Variants in E4F1 observed in about 807,000 individuals in gnomAD.
E4F1 encodes the protein E4F transcription factor 1.
Under a neutral mutation model 72.9 loss-of-function variants are expected in E4F1, and 30 were observed. The observed-to-expected ratio is 0.41, with a 90% CI of 0.31 to 0.56. The LOEUF is 0.56. Among genes scored for constraint, E4F1 ranks in the 20% least tolerant of loss-of-function variants. The probability of loss-of-function intolerance (pLI) is 0.25; values close to 1 mark genes in which losing one functional copy is unlikely to be tolerated. For missense variants in E4F1, 1,091 were observed against 1,117.5 expected, an observed-to-expected ratio of 0.98 and a Z score of 0.34; for synonymous variants, 542 against 478.2, an observed-to-expected ratio of 1.13 and a Z score of -1.74.
rs748490046 is a variant in E4F1 at position 2,235,098 on chromosome 16, G to A, written c.1953G>A (p.Ala651=). The change falls in exon 13 of 14, where the codon GCG becomes GCA. Residue 651 remains alanine (A), a synonymous_variant. Transcript: ENST00000301727. ...EYIIEATADD[A]ETSEATEIIE... is the part of the protein sequence containing the mutation. ...CTGCCCAGGCCACTGCGGACGATGC[G>A]GAGACCAGTGAGGCCACGGAGATCA... The A allele has an allele frequency of 3.1e-5, 50 of 1,612,432 alleles. No individual in the cohort carries two copies. Among genetic ancestry groups the A allele is most frequent in the Admixed American group, 8.3e-5 (5 of 60,006 alleles).
At chr16:2,233,297 TC>T in intron 7 of E4F1, 114 bp downstream of exon 7, 1 of 1,469,230 alleles carries the variant, frequency 6.8e-7, no homozygotes, top group Non-Finnish European at 9.0e-7. Flanking sequence ...GGGCTGGGCT[TC>T]CCACAGGGAG....
chr16:2,234,127 G>C, intron 9 of E4F1, 44 bp from the exon 10 acceptor site: 1 of 1,598,302 alleles, frequency 6.3e-7, no homozygotes, highest in Non-Finnish European at 8.5e-7. Flanking sequence ...GGCCTGGCGG[G>C]CCCGCGGGTG....
In E4F1 at chr16:2,223,716, G is replaced by C; in HGVS notation, c.103G>C (p.Ala35Pro). ...AGEGAVAAVA[A>P]ALAPSGFLGL... ...CGAGGGTGCAGTTGCGGCGGTGGCG[G>C]CGGCCTTGGCCCCCAGCGGCTTCCT... The change falls in exon 1 of 14, where the codon GCG (alanine) becomes CCG (proline). Residue 35 changes from alanine (A) to proline (P), a missense_variant. Ala to Pro is a conservative substitution (Grantham distance 27). Transcript: ENST00000301727. 4.5e-6 allele frequency: 7 copies of C among 1,556,204 alleles called. No individual in the cohort carries two copies. Among genetic ancestry groups the C allele is most frequent in the Non-Finnish European group, 6.0e-6 (7 of 1,162,040 alleles).
chr16:2,231,122 C>T (rs2093465130), intron 3 of E4F1: 1 of 152,420 alleles, frequency 6.6e-6, no homozygotes, highest in African/African-American at 2.4e-5. Context: ...GCTGCTAGCT[C>T]TCCTGTTGGC....
chr16:2,223,603 C>T lies in E4F1; in HGVS notation c.-11C>T, dbSNP rs1172050901. Reference sequence around the variant, plus strand: ...TCGTAAATCCGCCATCTTCCTGCGGCGCGTTGCGACATGGAGGGCGCGATG... The same window carrying T: ...TCGTAAATCCGCCATCTTCCTGCGGTGCGTTGCGACATGGAGGGCGCGATG... On this transcript the variant is annotated 5_prime_UTR_variant, in exon 1 of 14. Transcript: ENST00000301727. 1 of 1,584,328 alleles carries T rather than the reference C, an allele frequency of 6.3e-7. No individual in the cohort carries two copies. Among genetic ancestry groups the T allele is most frequent in the Non-Finnish European group, 8.5e-7 (1 of 1,171,672 alleles).
rs1204489806 is a variant in E4F1, at chr16:2,235,685, G to C, written c.*113G>C. 2.4e-6 allele frequency: 2 copies of C among 839,184 alleles called. No homozygotes were observed. Among genetic ancestry groups the C allele is most frequent in the African/African-American group, 3.4e-5 (2 of 58,236 alleles). The allele number at this position is 839,184 out of a possible 1,614,324, so 52.0% of individuals were successfully genotyped here. A position where few individuals can be genotyped will look rare whatever the true frequency, so the allele number is the denominator to read the frequency against. ...ATGGCACAGGATGGAGGCGCCCCAAGACGGACAGTGTACATAAGAGTTTCT... is the reference window on the plus strand; with the variant it reads ...ATGGCACAGGATGGAGGCGCCCCAACACGGACAGTGTACATAAGAGTTTCT... On this transcript the variant is annotated 3_prime_UTR_variant, in exon 14 of 14. Transcript: ENST00000301727.
chr16:2,232,457 G>A lies in E4F1; in HGVS notation c.611G>A (p.Gly204Asp). Residue 204 changes from glycine to aspartate, a missense_variant and splice_region_variant, in exon 5 of 14, where the codon GGC becomes GAC. By Grantham distance (94) the Gly-to-Asp change is moderately conservative. Coordinates refer to ENST00000301727, the MANE Select transcript of E4F1 (RefSeq NM_004424.5). ...CALCHKTFKTGSILKAHMVTH... is the reference protein window; with the variant it reads ...CALCHKTFKTDSILKAHMVTH... ...GAGCTGCCACGCCCTCCCCCACAGG[G>A]CAGCATCCTCAAGGCCCACATGGTC... The A allele has an allele frequency of 6.2e-7, 1 of 1,610,536 alleles. No homozygotes were observed. Among genetic ancestry groups the A allele is most frequent in the Non-Finnish European group, 8.5e-7 (1 of 1,179,036 alleles).
intron 1 of E4F1, among the ~76,000 whole-genome samples, chr16:2,226,803 G>A (rs1405042034): frequency 6.6e-6 from 1 of 152,232 alleles, no homozygotes; most frequent in Non-Finnish European, 1.5e-5. Flanking sequence ...ACAGTGAGGG[G>A]GTGGTCTCTT....
chr16:2,227,826 C>CTTTT (rs34008168), intron 1 of E4F1, among the ~76,000 whole-genome samples: 1 of 132,948 alleles, frequency 7.5e-6, no homozygotes, highest in Non-Finnish European at 1.6e-5. Context: ...GTTTTAAAAA[C>CTTTT]TTTTTTTTTT....
At chr16:2,227,959 C>T (rs531141181) in intron 1 of E4F1, among the ~76,000 whole-genome samples, 16 of 152,116 alleles carry the variant, frequency 1.1e-4, no homozygotes, top group African/African-American at 2.4e-4. Context: ...CCACCATGCC[C>T]GGCCCCAGCA....
At chr16:2,228,892 G>A (rs2093448737) in intron 2 of E4F1, among the ~76,000 whole-genome samples, 2 of 152,236 alleles carry the variant, frequency 1.3e-5, no homozygotes, top group African/African-American at 4.8e-5. Context: ...CACACGTGAA[G>A]TGTGGCCCTG....
At position 2,233,892 on chromosome 16, in the gene E4F1, G is replaced by C. The variant is rs1032338988; in HGVS notation, c.1277G>C (p.Ser426Thr). The C allele has an allele frequency of 1.3e-6, 2 of 1,595,160 alleles. No homozygotes were observed. Among genetic ancestry groups the C allele is most frequent in the East Asian group, 4.5e-5 (2 of 44,010 alleles). The change falls in exon 9 of 14, where the codon AGC becomes ACC. Residue 426 changes from serine to threonine, a missense_variant. This residue lies in a region of E4F1 where 622 missense variants were observed against 628.0 expected (regional missense o/e 0.99). Transcript: ENST00000301727. ...CCTGTGGTTCCCCAGCAGGTGGCCAGCGAGGCCTCAGCGGTGCCCAGGACC... is the reference window on the plus strand; with the variant it reads ...CCTGTGGTTCCCCAGCAGGTGGCCACCGAGGCCTCAGCGGTGCCCAGGACC... ...EVQPLETQVA[S>T]EASAVPRTHP... is the part of the protein sequence containing the mutation.
At chr16:2,226,996 A>C (rs572346538) in intron 1 of E4F1, among the ~76,000 whole-genome samples, 3 of 152,322 alleles carry the variant, frequency 2.0e-5, no homozygotes, top group African/African-American at 7.2e-5. Context: ...GGCCACTCAC[A>C]TGCTCCAGGG....
intron 1 of E4F1, 173 bp from the exon 2 acceptor site, chr16:2,228,199 C>A: frequency 1.2e-6 from 1 of 847,088 alleles, no homozygotes; most frequent in Non-Finnish European, 1.9e-6. Context: ...GGGGCTGTAC[C>A]TTGGGATGAC....
chr16:2,234,245 G>A lies in E4F1; in HGVS notation c.1450G>A (p.Val484Met), dbSNP rs2093488001. 1.9e-6 allele frequency: 3 copies of A among 1,612,874 alleles called. No homozygotes were observed. The highest frequency in any genetic ancestry group is 1.1e-5 in the South Asian group (1 of 91,092). ...KAYLLKKHQE[V>M]HVRERRFRCG... ...CTACCTGCTCAAGAAGCACCAGGAG[G>A]TGCACGTGCGTGAGCGCCGCTTCCG... The change falls in exon 10 of 14, where the codon GTG becomes ATG. Residue 484 changes from valine to methionine, a missense_variant. Physicochemically the swap from Val to Met is conservative, Grantham distance 21. This residue lies in a region of E4F1 where 622 missense variants were observed against 628.0 expected (regional missense o/e 0.99). Transcript: ENST00000301727.
At position 2,235,655 on chromosome 16, in the gene E4F1, A is replaced by G; in HGVS notation, c.*83A>G. On this transcript the variant is annotated 3_prime_UTR_variant, in exon 14 of 14. Transcript: ENST00000301727. ...CACCCATGCCTGCCTGGCCTGGTAG[A>G]GAAGATGGCACAGGATGGAGGCGCC... The G allele has an allele frequency of 8.0e-7, 1 of 1,249,550 alleles. No homozygotes were observed. The highest frequency in any genetic ancestry group is 1.1e-6 in the Non-Finnish European group (1 of 916,036). 77.4% of individuals were successfully genotyped at this position (1,249,550 alleles called of 1,614,324 possible).
chr16:2,233,575 C>T lies in E4F1; in HGVS notation c.1194C>T (p.Ala398=), dbSNP rs755989987. The T allele has an allele frequency of 2.0e-4, 294 of 1,502,176 alleles. 1 individual carries two copies. Among genetic ancestry groups the T allele is most frequent in the Middle Eastern group, 1.9e-4 (1 of 5,242 alleles). 93.1% of individuals were successfully genotyped at this position (1,502,176 alleles called of 1,614,324 possible). A position where few individuals can be genotyped will look rare whatever the true frequency, so the allele number is the denominator to read the frequency against. Reference sequence around the variant, plus strand: ...GTGCCCTGGAGCCAGCTCCTGCTGCCGGGTCCAGTCCCCAGCCCCTGGCAG... The same window carrying T: ...GTGCCCTGGAGCCAGCTCCTGCTGCTGGGTCCAGTCCCCAGCCCCTGGCAG... ...EEGALEPAPA[A]GSSPQPLAVA... The change falls in exon 8 of 14, where the codon GCC becomes GCT. Residue 398 remains alanine (A), a synonymous_variant. Transcript: ENST00000301727.
chr16:2,229,707 T>C (rs750664055), intron 3 of E4F1, 32 bp downstream of exon 3: 7 of 1,607,338 alleles, frequency 4.4e-6, no homozygotes, highest in African/African-American at 2.7e-5. Flanking sequence ...GCTGGCCTGA[T>C]AGACCTTCGT....
rs147602177 is a variant in E4F1 at position 2,234,729 on chromosome 16, C to T, written c.1740C>T (p.Cys580=). The change falls in exon 11 of 14, where the codon TGC becomes TGT. Residue 580 remains cysteine (C), a synonymous_variant. Coordinates refer to ENST00000301727, the MANE Select transcript of E4F1 (RefSeq NM_004424.5). ...AGAAGCCGTTCAAGTGCTACAAGTG[C>T]GGCCGTGGCTTCGCCGAGCACGGCA... ...TGEKPFKCYK[C]GRGFAEHGTL... is the part of the protein sequence containing the mutation. 8.4e-6 allele frequency: 13 copies of T among 1,551,558 alleles called. No individual in the cohort carries two copies. The highest frequency in any genetic ancestry group is 1.2e-5 in the South Asian group (1 of 84,836).
Sources: gnomAD v4.1 joint callset for allele counts (sites outside exome capture counted in the v4.1 genomes callset) on GRCh38, gnomAD v4.1.1 for gene constraint, gnomAD v4.1.1 regional missense constraint, MANE v1.5 for transcripts, NCBI Gene and HGNC (gene_info 2026-07-23, HGNC 2026-07-21) for gene names.